Variants in CDKN2AIPNL observed in about 807,000 individuals in gnomAD.
CDKN2AIPNL encodes the protein XRN2 binding domain containing 1, also known as CDKN2AIP N-terminal-like protein.
A neutral mutation model predicts 12.9 loss-of-function variants in CDKN2AIPNL; 9 were observed. The observed-to-expected ratio is 0.70, with a 90% CI of 0.42 to 1.22. CDKN2AIPNL has a LOEUF of 1.22. CDKN2AIPNL is among the 50% of genes most tolerant of loss of function. The pLI is 0.00. For synonymous variants in CDKN2AIPNL, 53 were observed against 61.7 expected, an observed-to-expected ratio of 0.86 and a Z score of 0.66; for missense variants, 143 against 153.6, an observed-to-expected ratio of 0.93 and a Z score of 0.37.
At chr5:134,406,743 A>T (rs1759110184) in intron 2 of CDKN2AIPNL, among the ~76,000 whole-genome samples, 1 of 152,178 alleles carries the variant, frequency 6.6e-6, no homozygotes, top group Non-Finnish European at 1.5e-5. Context: ...GGTGGTACAC[A>T]CCTGTAGTCC....
At chr5:134,404,844 G>A (rs949055087) in intron 2 of CDKN2AIPNL, among the ~76,000 whole-genome samples, 2 of 151,990 alleles carry the variant, frequency 1.3e-5, no homozygotes, top group African/African-American at 2.4e-5. Flanking sequence ...AGAGTACAGC[G>A]GTGCCATCTT....
Position 134,411,879 on chromosome 5 carries a change from G to A in CDKN2AIPNL, c.-25C>T. The stretch of plus-strand genomic sequence containing the variant: ...TGGTGCCCGCCGCAGCCGAGGACCG[G>A]ATAGCCCGCCGCCTTCCCGACGCGC... On this transcript the variant is annotated 5_prime_UTR_variant, in exon 1 of 3. Coordinates refer to ENST00000458198, the MANE Select transcript of CDKN2AIPNL (RefSeq NM_080656.3). 1 of 1,541,756 alleles carries A rather than the reference G, an allele frequency of 6.5e-7. No individual in the cohort carries two copies. The highest frequency in any genetic ancestry group is 1.4e-5 in the African/African-American group (1 of 72,288).
intron 2 of CDKN2AIPNL, among the ~76,000 whole-genome samples, chr5:134,408,694 C>A (rs1386954547): frequency 6.6e-6 from 1 of 151,704 alleles, no homozygotes; most frequent in Non-Finnish European, 1.5e-5. Flanking sequence ...CAAAAACAAA[C>A]AAACAAACAA....
chr5:134,403,611 G>C (rs113556062), intron 2 of CDKN2AIPNL, among the ~76,000 whole-genome samples: 2,016 of 152,288 alleles, frequency 0.013, 30 homozygotes, highest in African/African-American at 0.043. Flanking sequence ...CTATTTCCTA[G>C]TTAGACCAGT....
At chr5:134,406,925 C>A (rs941151380) in intron 2 of CDKN2AIPNL, among the ~76,000 whole-genome samples, 1 of 152,198 alleles carries the variant, frequency 6.6e-6, no homozygotes, top group African/African-American at 2.4e-5. Context: ...TTTTCAGGAT[C>A]AGCTGAATTT....
At chr5:134,409,868 C>T in intron 2 of CDKN2AIPNL, 35 bp downstream of exon 2, 1 of 1,381,734 alleles carries the variant, frequency 7.2e-7, no homozygotes, top group South Asian at 1.2e-5. Context: ...TAACTCTACA[C>T]CATTTCATCA....
intron 2 of CDKN2AIPNL, among the ~76,000 whole-genome samples, 176 bp from the exon 3 acceptor site, chr5:134,403,102 C>T (rs546777801): frequency 2.6e-5 from 4 of 152,300 alleles, no homozygotes; most frequent in South Asian, 4.1e-4. Context: ...ACATTGACCA[C>T]AGCATCCATT....
intron 2 of CDKN2AIPNL, among the ~76,000 whole-genome samples, chr5:134,404,354 C>CA (rs759762030): frequency 4.6e-5 from 7 of 152,252 alleles, no homozygotes; most frequent in South Asian, 2.1e-4. Flanking sequence ...GACAGGGTCT[C>CA]ACTCTGTCAC....
In CDKN2AIPNL at chr5:134,408,366, C is replaced by A. The variant is rs985859481; in HGVS notation, c.339+1537G>T. 2.0e-5 allele frequency among the ~76,000 whole-genome samples: 3 copies of A among 151,910 alleles called. No homozygotes were observed. The South Asian group carries it at 6.3e-4, about 32-fold the overall frequency. On this transcript the variant is annotated intron_variant, in intron 2 of 2. Coordinates refer to ENST00000458198, the MANE Select transcript of CDKN2AIPNL (RefSeq NM_080656.3). ...CTGCTCCCTGGCTAAAAACAGTAGC[C>A]CCTTTTTAACAGCTGATTTTAGTCC...
chr5:134,407,206 C>T (rs1398062774), intron 2 of CDKN2AIPNL, among the ~76,000 whole-genome samples: 1 of 149,706 alleles, frequency 6.7e-6, no homozygotes, highest in African/African-American at 2.5e-5. Flanking sequence ...GGGCTCTGTA[C>T]ATTTTTTAGG....
chr5:134,409,606 G>A (rs763645878), intron 2 of CDKN2AIPNL, among the ~76,000 whole-genome samples: 1 of 152,158 alleles, frequency 6.6e-6, no homozygotes, highest in East Asian at 1.9e-4. Context: ...GGAAACTTAA[G>A]TATTCTAGCC....
chr5:134,406,858 A>AGG (rs1208994883), intron 2 of CDKN2AIPNL, among the ~76,000 whole-genome samples: 2 of 152,218 alleles, frequency 1.3e-5, no homozygotes, highest in Non-Finnish European at 2.9e-5. Flanking sequence ...CCACAGAGAG[A>AGG]GACCCCTGTC....
At position 134,411,763 on chromosome 5, in the gene CDKN2AIPNL, G is replaced by A; in HGVS notation, c.92C>T (p.Ser31Leu). 3.1e-6 allele frequency: 5 copies of A among 1,611,472 alleles called. No individual in the cohort carries two copies. The highest frequency in any genetic ancestry group is 3.4e-6 in the Non-Finnish European group (4 of 1,179,354). ...ADFAEQFRSY[S>L]ESEKQWKARM... ...GGCCTTCCATTGCTTCTCGCTCTCT[G>A]AGTAGGAGCGGAACTGCTCCGCGAA... Residue 31 changes from serine to leucine, a missense_variant, in exon 1 of 3, where the codon TCA becomes TTA. Around this residue, in one of 3 missense-constraint regions of CDKN2AIPNL, gnomAD observed 111 missense variants for 111.4 expected, o/e 1.00. Coordinates refer to ENST00000458198, the MANE Select transcript of CDKN2AIPNL (RefSeq NM_080656.3).
chr5:134,405,244 T>G (rs1280753004), intron 2 of CDKN2AIPNL, among the ~76,000 whole-genome samples: 1 of 151,180 alleles, frequency 6.6e-6, no homozygotes, highest in East Asian at 1.9e-4. Context: ...TAGCTGGGAC[T>G]ACAGGCGCCC....
rs146120184 is a variant in CDKN2AIPNL at position 134,404,153 on chromosome 5, T to A, written c.340-1227A>T. 1.0e-3 allele frequency among the ~76,000 whole-genome samples: 153 copies of A among 152,338 alleles called. 1 individual carries two copies. The highest frequency in any genetic ancestry group is 3.5e-3 in the African/African-American group (145 of 41,590). On this transcript the variant is annotated intron_variant, in intron 2 of 2. Transcript: ENST00000458198. ...GTATACCATCTTTTCCACAGGTGTT[T>A]GCAGGTGATACACTACTGACTCATA...
intron 2 of CDKN2AIPNL, among the ~76,000 whole-genome samples, chr5:134,403,969 G>A (rs183579184): frequency 6.6e-6 from 1 of 152,244 alleles, no homozygotes; most frequent in African/African-American, 2.4e-5. Flanking sequence ...CTCAGCAAAA[G>A]CAAATTATAA....
chr5:134,407,801 C>T (rs994461137), intron 2 of CDKN2AIPNL, among the ~76,000 whole-genome samples: 1 of 150,420 alleles, frequency 6.6e-6, no homozygotes, highest in African/African-American at 2.4e-5. Flanking sequence ...CAGAAAACCT[C>T]TTAGAAACAA....
At chr5:134,407,558 G>C (rs1026019201) in intron 2 of CDKN2AIPNL, among the ~76,000 whole-genome samples, 7 of 151,964 alleles carry the variant, frequency 4.6e-5, no homozygotes, top group Non-Finnish European at 5.9e-5. Flanking sequence ...TGGATCACCT[G>C]AGGTCAGGAG....
At chr5:134,405,797 G>A (rs944303156) in intron 2 of CDKN2AIPNL, among the ~76,000 whole-genome samples, 1 of 152,202 alleles carries the variant, frequency 6.6e-6, no homozygotes, top group African/African-American at 2.4e-5. Context: ...AAATTAGGTT[G>A]ACAGCTTCTT....
Sources: gnomAD v4.1 joint callset for allele counts (sites outside exome capture counted in the v4.1 genomes callset) on GRCh38, gnomAD v4.1.1 for gene constraint, gnomAD v4.1.1 regional missense constraint, MANE v1.5 for transcripts, NCBI Gene and HGNC (gene_info 2026-07-23, HGNC 2026-07-21) for gene names.